Variants in CREG2 observed in about 807,000 individuals in gnomAD.
The protein encoded by CREG2 is protein CREG2.
In CREG2, 24 loss-of-function variants were observed where a neutral mutation model predicts 26.2. The ratio of observed to expected loss-of-function variants is 0.92; its 90% CI spans 0.66 to 1.29. The LOEUF (loss-of-function observed/expected upper bound fraction) is 1.29. Ranked by LOEUF, CREG2 falls within the 50% of genes most tolerant of loss-of-function variation. The pLI, the probability that CREG2 is intolerant of heterozygous loss-of-function variation, is 0.00. For synonymous variants in CREG2, 174 were observed against 169.2 expected (o/e 1.03, Z -0.22); for missense variants, 366 against 398.6 (o/e 0.92, Z 0.70).
At chr2:101,371,684 G>GC (rs1684709354) in intron 2 of CREG2, among the ~76,000 whole-genome samples, 1 of 152,178 alleles carries the variant, frequency 6.6e-6, no homozygotes, top group Non-Finnish European at 1.5e-5. Flanking sequence ...GGTCACACTG[G>GC]CCAGCAGCCC....
chr2:101,363,825 C>T (rs1378278827), intron 2 of CREG2, among the ~76,000 whole-genome samples: 5 of 150,520 alleles, frequency 3.3e-5, no homozygotes, highest in East Asian at 2.0e-4. Flanking sequence ...ACTCCAGCCT[C>T]GGTGACAGAG....
In CREG2 at chr2:101,353,519, A is replaced by C. The variant is rs138436853; in HGVS notation, c.725+1734T>G. 6.8e-4 allele frequency among the ~76,000 whole-genome samples: 103 copies of C among 152,304 alleles called. No individual in the cohort carries two copies. The East Asian group carries it at 0.019, about 28-fold the overall frequency. ...GAATGCTTTTACACAGTTGGTGGGA[A>C]TGTAAATTACTTCAACCATTGTGGA... is the stretch of plus-strand genomic sequence containing the variant. On this transcript the variant is annotated intron_variant, in intron 3 of 3. Coordinates refer to ENST00000324768, the MANE Select transcript of CREG2 (RefSeq NM_153836.4).
rs1558811359 is a variant in CREG2 at position 101,348,118 on chromosome 2, G to A, written c.*2805C>T. Reference sequence around the variant, plus strand: ...AAGAAAATCAGTTGAGCATATTTGTGTGGGCCTATTTCTAGATTCCCTATT... The same window carrying A: ...AAGAAAATCAGTTGAGCATATTTGTATGGGCCTATTTCTAGATTCCCTATT... On this transcript the variant is annotated 3_prime_UTR_variant, in exon 4 of 4. Coordinates refer to ENST00000324768, the MANE Select transcript of CREG2 (RefSeq NM_153836.4). The A allele has an allele frequency of 6.6e-6, 1 of 152,184 alleles. No homozygotes were observed. Among genetic ancestry groups the A allele is most frequent in the Non-Finnish European group, 1.5e-5 (1 of 68,026 alleles). The allele number at this position is 152,184 out of a possible 1,614,324, so 9.4% of individuals were successfully genotyped here. A position where few individuals can be genotyped will look rare whatever the true frequency, so the allele number is the denominator to read the frequency against.
At chr2:101,354,038 A>G (rs1684418705) in intron 3 of CREG2, among the ~76,000 whole-genome samples, 1 of 152,154 alleles carries the variant, frequency 6.6e-6, no homozygotes, top group African/African-American at 2.4e-5. Context: ...AACCTAGATG[A>G]TGGGTGCAGC....
At chr2:101,384,609 G>A (rs1684935379) in intron 1 of CREG2, among the ~76,000 whole-genome samples, 2 of 152,180 alleles carry the variant, frequency 1.3e-5, no homozygotes, top group Admixed American at 6.5e-5. Flanking sequence ...AACTGGGCAT[G>A]GGGACTCACC....
intron 2 of CREG2, among the ~76,000 whole-genome samples, chr2:101,357,317 C>T (rs979314206): frequency 6.6e-6 from 1 of 151,802 alleles, no homozygotes; most frequent in East Asian, 2.0e-4. Flanking sequence ...GCCATCGTGC[C>T]TGGCCTGTGG....
At chr2:101,354,045 C>G (rs1684418772) in intron 3 of CREG2, among the ~76,000 whole-genome samples, 1 of 152,092 alleles carries the variant, frequency 6.6e-6, no homozygotes, top group Non-Finnish European at 1.5e-5. Context: ...ATGATGGGTG[C>G]AGCAAACCAC....
intron 2 of CREG2, among the ~76,000 whole-genome samples, chr2:101,366,629 C>A (rs1684621755): frequency 6.6e-6 from 1 of 152,108 alleles, no homozygotes; most frequent in South Asian, 2.1e-4. Flanking sequence ...TCAAGACCAG[C>A]CTGGTCAAAT....
intron 2 of CREG2, among the ~76,000 whole-genome samples, chr2:101,357,373 G>T (rs935298163): frequency 6.6e-6 from 1 of 152,170 alleles, no homozygotes; most frequent in Non-Finnish European, 1.5e-5. Flanking sequence ...ATGTCAGGGT[G>T]CCTATTTCTG....
chr2:101,387,353 C>A lies in CREG2; in HGVS notation c.105G>T (p.Val35=). 2.0e-6 allele frequency: 3 copies of A among 1,490,676 alleles called. No homozygotes were observed. Among genetic ancestry groups the A allele is most frequent in the Non-Finnish European group, 2.7e-6 (3 of 1,114,072 alleles). 92.3% of individuals were successfully genotyped at this position (1,490,676 alleles called of 1,614,324 possible). A position where few individuals can be genotyped will look rare whatever the true frequency, so the allele number is the denominator to read the frequency against. Residue 35 remains valine (V), a synonymous_variant, in exon 1 of 4, where the codon GTG becomes GTT. Coordinates refer to ENST00000324768, the MANE Select transcript of CREG2 (RefSeq NM_153836.4). This position sits in a 1 kb window ranked among gnomAD's most constrained non-coding sequence, Gnocchi z 4.7. Reference sequence around the variant, plus strand: ...TGGTGACGGCCCAAGACACGGAGCTCACGATCACGTAGCCCGCGGCCGGGG... The same window carrying A: ...TGGTGACGGCCCAAGACACGGAGCTAACGATCACGTAGCCCGCGGCCGGGG... ...LLSPAAGYVI[V]SSVSWAVTNE... is the part of the protein sequence containing the mutation.
chr2:101,352,200 T>C, intron 3 of CREG2, among the ~76,000 whole-genome samples: 1 of 152,190 alleles, frequency 6.6e-6, no homozygotes, highest in East Asian at 1.9e-4. Flanking sequence ...TTTTAAAGAA[T>C]AATTTATTTT....
intron 2 of CREG2, among the ~76,000 whole-genome samples, chr2:101,369,398 T>C (rs1438909198): frequency 6.6e-6 from 1 of 152,022 alleles, no homozygotes; most frequent in Non-Finnish European, 1.5e-5. Flanking sequence ...AGGAGGCCTC[T>C]GGGGAGGAGA....
intron 2 of CREG2, 22 bp downstream of exon 2, chr2:101,383,511 G>C: frequency 6.2e-7 from 1 of 1,612,716 alleles, no homozygotes; most frequent in Non-Finnish European, 8.5e-7. Context: ...ACCCGTGTGA[G>C]TGAGGGCAAA....
intron 2 of CREG2, among the ~76,000 whole-genome samples, chr2:101,363,851 A>AACACACACAC (rs5832961): frequency 1.8e-3 from 256 of 146,072 alleles, no homozygotes; most frequent in African/African-American, 6.1e-3. Flanking sequence ...CCCTGTCTCA[A>AACACACACAC]ACACACACAC....
chr2:101,378,429 G>A (rs1459161825), intron 2 of CREG2, among the ~76,000 whole-genome samples: 3 of 152,182 alleles, frequency 2.0e-5, no homozygotes, highest in Non-Finnish European at 4.4e-5. Flanking sequence ...AGCTGTCCAG[G>A]CCAATAATAC....
At chr2:101,382,427 G>GAA (rs11312683) in intron 2 of CREG2, 4,889 of 767,082 alleles carry the variant, frequency 6.4e-3, no homozygotes, top group Non-Finnish European at 6.9e-3. Flanking sequence ...ACTCTATCTC[G>GAA]AAAAAAAAAA....
intron 2 of CREG2, among the ~76,000 whole-genome samples, chr2:101,363,626 C>A (rs1484683184): frequency 6.6e-6 from 1 of 152,004 alleles, no homozygotes; most frequent in Non-Finnish European, 1.5e-5. Context: ...GAAATTATAC[C>A]TATATATAAA....
chr2:101,373,568 T>C (rs958821534), intron 2 of CREG2, among the ~76,000 whole-genome samples: 2 of 152,190 alleles, frequency 1.3e-5, no homozygotes, highest in African/African-American at 4.8e-5. Context: ...GATGGAGTCA[T>C]GTCTAACAGA....
At chr2:101,374,617 C>G (rs573089174) in intron 2 of CREG2, among the ~76,000 whole-genome samples, 1 of 152,356 alleles carries the variant, frequency 6.6e-6, no homozygotes, top group Admixed American at 6.5e-5. Context: ...AGACTCCAGA[C>G]AGAGATACGT....
Sources: gnomAD v4.1 joint callset for allele counts (sites outside exome capture counted in the v4.1 genomes callset) on GRCh38, gnomAD v4.1.1 for gene constraint, Gnocchi (gnomAD v3.1) non-coding constraint, MANE v1.5 for transcripts, NCBI Gene and HGNC (gene_info 2026-07-23, HGNC 2026-07-21) for gene names.